Variants in DLGAP1 observed in about 807,000 individuals in gnomAD.
DLGAP1 encodes disks large-associated protein 1.
In DLGAP1, 11 loss-of-function variants were observed where a neutral mutation model predicts 90.8. The observed-to-expected ratio is 0.12, with a 90% CI of 0.08 to 0.20. DLGAP1 has a LOEUF of 0.20. Ranked by LOEUF, DLGAP1 falls within the 10% of genes least tolerant of loss-of-function variation. The pLI, the probability that DLGAP1 is intolerant of heterozygous loss-of-function variation, is 1.00. For synonymous variants in DLGAP1, 558 were observed against 540.7 expected, an observed-to-expected ratio of 1.03 and a Z score of -0.44; for missense variants, 1,050 against 1,333.8, an observed-to-expected ratio of 0.79 and a Z score of 3.31.
At chr18:4,266,460 C>T (rs1598761442) in intron 1 of DLGAP1, among the ~76,000 whole-genome samples, 1 of 152,210 alleles carries the variant, frequency 6.6e-6, no homozygotes, top group South Asian at 2.1e-4. Context: ...GAAGGCCTCG[C>T]TAGATCAACG....
At chr18:3,805,146 G>A (rs2066505867) in intron 5 of DLGAP1, among the ~76,000 whole-genome samples, 2 of 152,240 alleles carry the variant, frequency 1.3e-5, no homozygotes, top group African/African-American at 4.8e-5. Context: ...AGCAACTACT[G>A]TGTGCCAGGG....
chr18:3,528,712 G>T (rs2051804769), intron 10 of DLGAP1, among the ~76,000 whole-genome samples: 1 of 152,198 alleles, frequency 6.6e-6, no homozygotes, highest in Admixed American at 6.5e-5. Flanking sequence ...GGAGAGGGTT[G>T]CTACTGCTTT....
intron 2 of DLGAP1, among the ~76,000 whole-genome samples, chr18:4,022,016 T>A (rs932118319): frequency 2.6e-5 from 4 of 152,308 alleles, no homozygotes; most frequent in African/African-American, 9.6e-5. Context: ...TGTCCCCTAG[T>A]GAGAAAGACT....
intron 1 of DLGAP1, among the ~76,000 whole-genome samples, chr18:4,394,584 G>T (rs1169798769): frequency 6.6e-6 from 1 of 151,956 alleles, no homozygotes; most frequent in Non-Finnish European, 1.5e-5. Flanking sequence ...ATCAATTTTT[G>T]GAATAATTAG....
intron 2 of DLGAP1, among the ~76,000 whole-genome samples, chr18:4,052,549 T>TCCTAGTCCTCCAGG (rs2143107896): frequency 6.6e-6 from 1 of 152,216 alleles, no homozygotes; most frequent in East Asian, 1.9e-4. Context: ...CATTTTTCTC[T>TCCTAGTCCTCCAGG]CCTAGTCCTC....
intron 7 of DLGAP1, among the ~76,000 whole-genome samples, chr18:3,669,811 T>C (rs2060021648): frequency 6.6e-6 from 1 of 152,180 alleles, no homozygotes; most frequent in Non-Finnish European, 1.5e-5. Flanking sequence ...CAGAAAGTCC[T>C]CTGTCCTTGT....
chr18:4,105,750 G>T (rs2075847491), intron 2 of DLGAP1, among the ~76,000 whole-genome samples: 1 of 152,116 alleles, frequency 6.6e-6, no homozygotes. Context: ...TTGTAATTAG[G>T]CCGGGCGCGG....
intron 1 of DLGAP1, among the ~76,000 whole-genome samples, chr18:4,312,347 C>T (rs899285254): frequency 1.3e-4 from 20 of 152,184 alleles, no homozygotes; most frequent in Non-Finnish European, 2.9e-5. Flanking sequence ...CCACTACATC[C>T]TACACCAAGA....
intron 4 of DLGAP1, among the ~76,000 whole-genome samples, chr18:3,857,031 T>C (rs543137438): frequency 7.2e-5 from 11 of 152,228 alleles, no homozygotes; most frequent in African/African-American, 2.4e-4. Context: ...AGGACTTCAG[T>C]ATGTAGTATG....
chr18:4,446,855 A>C (rs1432273203), intron 1 of DLGAP1, among the ~76,000 whole-genome samples: 2 of 152,144 alleles, frequency 1.3e-5, no homozygotes, highest in Non-Finnish European at 2.9e-5. Context: ...TAACAAAAAG[A>C]AGTAGGAGAG....
chr18:4,423,437 A>C (rs2144696055), intron 1 of DLGAP1, among the ~76,000 whole-genome samples: 1 of 152,352 alleles, frequency 6.6e-6, no homozygotes, highest in Non-Finnish European at 1.5e-5. Context: ...TACTAAGTGC[A>C]CGGCATTTCA....
intron 2 of DLGAP1, among the ~76,000 whole-genome samples, chr18:4,008,282 C>T (rs1442649977): frequency 6.6e-6 from 1 of 151,754 alleles, no homozygotes; most frequent in East Asian, 1.9e-4. Flanking sequence ...GTAACAACAA[C>T]AAAGTTATTA....
chr18:4,275,368 C>T (rs2079386438), intron 1 of DLGAP1: 1 of 152,176 alleles, frequency 6.6e-6, no homozygotes, highest in Non-Finnish European at 1.5e-5. Context: ...TCAAATGTTA[C>T]TTCTCAAACA....
At chr18:3,965,085 A>T (rs1348113914) in intron 3 of DLGAP1, among the ~76,000 whole-genome samples, 1 of 152,166 alleles carries the variant, frequency 6.6e-6, no homozygotes, top group African/African-American at 2.4e-5. Context: ...CAAAGGTGAA[A>T]AGATCTCTTT....
chr18:4,324,890 C>T (rs759277474), intron 1 of DLGAP1, among the ~76,000 whole-genome samples: 2 of 152,166 alleles, frequency 1.3e-5, no homozygotes, highest in Non-Finnish European at 2.9e-5. Context: ...CCATCTATAA[C>T]AAACCCACAG....
chr18:3,519,046 A>AGCC (rs1421478886), intron 10 of DLGAP1, among the ~76,000 whole-genome samples: 6 of 152,182 alleles, frequency 3.9e-5, no homozygotes, highest in Non-Finnish European at 8.8e-5. Flanking sequence ...TCTCTGTATA[A>AGCC]TCTAGCACAG....
chr18:4,273,896 T>C (rs1412424516), intron 1 of DLGAP1, among the ~76,000 whole-genome samples: 2 of 139,892 alleles, frequency 1.4e-5, no homozygotes, highest in South Asian at 2.2e-4. Flanking sequence ...TTGTCTTCTC[T>C]CTTTTTTTTC....
intron 2 of DLGAP1, among the ~76,000 whole-genome samples, chr18:4,120,979 T>A (rs2076145178): frequency 6.6e-6 from 1 of 152,048 alleles, no homozygotes; most frequent in South Asian, 2.1e-4. Flanking sequence ...TGGTGGTGGT[T>A]GGAGGAGGTG....
chr18:4,369,635 T>A (rs1446745700), intron 1 of DLGAP1, among the ~76,000 whole-genome samples: 1 of 151,674 alleles, frequency 6.6e-6, no homozygotes, highest in Non-Finnish European at 1.5e-5. Flanking sequence ...ATAGTCAGTG[T>A]TTGACAGACA....
Sources: allele counts gnomAD v4.1 joint callset (sites outside exome capture counted in the v4.1 genomes callset), GRCh38; gene constraint gnomAD v4.1.1; transcripts MANE v1.5; gene names NCBI Gene and HGNC (gene_info 2026-07-23, HGNC 2026-07-21).